Variants in STMND1 observed in about 807,000 individuals in gnomAD.
STMND1 encodes the protein stathmin domain containing 1.
A neutral mutation model predicts 23.0 loss-of-function variants in STMND1; 17 were observed. The observed-to-expected ratio is 0.74, with a 90% CI of 0.51 to 1.11. STMND1 has a LOEUF of 1.11. Among genes scored for constraint, STMND1 ranks in the 50% least tolerant of loss-of-function variants. STMND1 has a pLI of 0.00. For missense variants in STMND1, 305 were observed against 329.1 expected (o/e 0.93, Z 0.57); for synonymous variants, 114 against 119.9 (o/e 0.95, Z 0.32).
At chr6:17,109,940 T>A (rs760311000) in intron 1 of STMND1, among the ~76,000 whole-genome samples, 1 of 152,206 alleles carries the variant, frequency 6.6e-6, no homozygotes, top group Non-Finnish European at 1.5e-5. Context: ...AGAATCAATC[T>A]CCTTTGCTTG....
At chr6:17,117,667 CTTTTTTTTTT>C (rs34107338) in intron 2 of STMND1, among the ~76,000 whole-genome samples, 2 of 49,566 alleles carry the variant, frequency 4.0e-5, no homozygotes, top group Admixed American at 3.5e-4. Context: ...TTGGGTTACG[CTTTTTTTTTT>C]TTTTTTTTTT....
At chr6:17,121,106 G>C (rs1761227957) in intron 3 of STMND1, among the ~76,000 whole-genome samples, 1 of 152,120 alleles carries the variant, frequency 6.6e-6, no homozygotes, top group African/African-American at 2.4e-5. Context: ...CATTTTCCCT[G>C]CTTGCACTCA....
Position 17,102,201 on chromosome 6 carries a change from G to C in STMND1, c.-57G>C, listed in dbSNP as rs1760946673. The C allele has an allele frequency of 6.8e-7, 1 of 1,475,046 alleles. No individual in the cohort carries two copies. Among genetic ancestry groups the C allele is most frequent in the African/African-American group, 1.5e-5 (1 of 68,546 alleles). The allele number at this position is 1,475,046 out of a possible 1,614,324, so 91.4% of individuals were successfully genotyped here. On this transcript the variant is annotated 5_prime_UTR_variant, in exon 1 of 5. Transcript: ENST00000536551. ...CACCGGCGCCGGAGCGCGGCAGGGA[G>C]CGCTCGCGGGGGCGCACAGCAGCCA...
chr6:17,126,957 T>C (rs571208826), intron 3 of STMND1, among the ~76,000 whole-genome samples: 65 of 152,364 alleles, frequency 4.3e-4, no homozygotes, highest in African/African-American at 1.2e-3. Flanking sequence ...CACTATGTGC[T>C]GGGCATTCCT....
At chr6:17,127,049 G>T (rs924746463) in intron 3 of STMND1, among the ~76,000 whole-genome samples, 11 of 152,250 alleles carry the variant, frequency 7.2e-5, no homozygotes, top group Non-Finnish European at 1.5e-4. Flanking sequence ...CTGTGCTTTC[G>T]CCCCTTTCCG....
rs1313099811 is a variant in STMND1, at chr6:17,102,088, C to T, written c.-170C>T. On this transcript the variant is annotated 5_prime_UTR_variant, in exon 1 of 5. Transcript: ENST00000536551. Reference sequence around the variant, plus strand: ...GCCCAGAAACTCAGTGCGTCCTGCCCGGGGTTTAAGCGCGGGAAGTGGGAG... The same window carrying T: ...GCCCAGAAACTCAGTGCGTCCTGCCTGGGGTTTAAGCGCGGGAAGTGGGAG... 1.3e-5 allele frequency among the ~76,000 whole-genome samples: 2 copies of T among 152,210 alleles called. No homozygotes were observed. Among genetic ancestry groups the T allele is most frequent in the African/African-American group, 2.4e-5 (1 of 41,456 alleles).
chr6:17,120,906 C>A, intron 3 of STMND1, 148 bp downstream of exon 3: 1 of 677,238 alleles, frequency 1.5e-6, no homozygotes, highest in Non-Finnish European at 2.4e-6. Flanking sequence ...AAATTCCCCC[C>A]ACATCTCTGC....
chr6:17,116,588 C>T (rs372792375), intron 2 of STMND1, among the ~76,000 whole-genome samples: 127 of 152,100 alleles, frequency 8.3e-4, no homozygotes, highest in African/African-American at 2.8e-3. Flanking sequence ...TACAGGCATG[C>T]GCCACCATGT....
chr6:17,105,035 C>T (rs1389951529), intron 1 of STMND1, among the ~76,000 whole-genome samples: 4 of 151,984 alleles, frequency 2.6e-5, no homozygotes, highest in South Asian at 2.1e-4. Context: ...CTTAAACATA[C>T]AGTACAACAA....
At chr6:17,105,368 G>A (rs1004893350) in intron 1 of STMND1, among the ~76,000 whole-genome samples, 49 of 152,302 alleles carry the variant, frequency 3.2e-4, no homozygotes, top group African/African-American at 9.4e-4. Flanking sequence ...AATCCTGGCC[G>A]GGTGTGGTGG....
chr6:17,118,269 A>G (rs1404730173), intron 2 of STMND1, among the ~76,000 whole-genome samples: 2 of 152,146 alleles, frequency 1.3e-5, no homozygotes, highest in Non-Finnish European at 2.9e-5. Context: ...GAAAATGCTA[A>G]CATAAATGTT....
intron 2 of STMND1, among the ~76,000 whole-genome samples, chr6:17,116,561 C>T (rs113756562): frequency 0.031 from 4,652 of 151,988 alleles, 245 homozygotes; most frequent in African/African-American, 0.11. Context: ...TGCCTCAGCC[C>T]TCTGAGTAGC....
At chr6:17,119,700 CAA>C (rs35768370) in intron 2 of STMND1, among the ~76,000 whole-genome samples, 5 of 128,680 alleles carry the variant, frequency 3.9e-5, no homozygotes, top group Non-Finnish European at 3.3e-5. Context: ...AACCTCATCT[CAA>C]AAAAAAAAAA....
At position 17,102,342 on chromosome 6, in the gene STMND1, A is replaced by C; in HGVS notation, c.81+4A>C. On this transcript the variant is annotated splice_donor_region_variant and intron_variant, in intron 1 of 4. Transcript: ENST00000536551. The stretch of plus-strand genomic sequence containing the variant: ...GGGCTGGAAAGAGGAATTCAAGGTA[A>C]TAAACAAACAAACAAACAAACAAAC... 2 of 1,532,816 alleles carry C rather than the reference A, an allele frequency of 1.3e-6. No homozygotes were observed. Among genetic ancestry groups the C allele is most frequent in the South Asian group, 2.4e-5 (2 of 84,010 alleles). The allele number at this position is 1,532,816 out of a possible 1,614,324, so 95.0% of individuals were successfully genotyped here.
intron 1 of STMND1, among the ~76,000 whole-genome samples, chr6:17,111,663 A>T (rs1038298754): frequency 2.0e-5 from 3 of 152,198 alleles, no homozygotes; most frequent in Admixed American, 6.5e-5. Context: ...ATAATTTAGT[A>T]TGTAATTCTT....
At chr6:17,116,752 A>G (rs970412011) in intron 2 of STMND1, among the ~76,000 whole-genome samples, 61 of 152,142 alleles carry the variant, frequency 4.0e-4, no homozygotes, top group African/African-American at 1.4e-3. Flanking sequence ...TATATTTCTT[A>G]AGACTATCAA....
At chr6:17,118,513 A>T (rs990757319) in intron 2 of STMND1, among the ~76,000 whole-genome samples, 13 of 152,252 alleles carry the variant, frequency 8.5e-5, no homozygotes, top group African/African-American at 3.1e-4. Context: ...CCAAGAAAAC[A>T]TGAAAATTAG....
intron 1 of STMND1, among the ~76,000 whole-genome samples, chr6:17,109,007 T>C (rs576466367): frequency 1.8e-4 from 28 of 152,298 alleles, no homozygotes; most frequent in South Asian, 1.2e-3. Flanking sequence ...AACACACACA[T>C]ATATATAACA....
rs187435078 is a variant in STMND1, at chr6:17,122,728, C to T, written c.411+1970C>T. 2.7e-3 allele frequency among the ~76,000 whole-genome samples: 271 copies of T among 101,526 alleles called. 1 individual carries two copies. Among genetic ancestry groups the T allele is most frequent in the African/African-American group, 0.01 (260 of 25,490 alleles). The allele number at this position is 101,526 out of a possible 152,430, so 66.6% of individuals were successfully genotyped here. The stretch of plus-strand genomic sequence containing the variant: ...CCAATAATAAGAGGATGTCGGGGGG[C>T]GGGGGGAGGATGGAAAGGAAGGTAA... On this transcript the variant is annotated intron_variant, in intron 3 of 4. Coordinates refer to ENST00000536551, the MANE Select transcript of STMND1 (RefSeq NM_001190766.2).
Sources: allele counts gnomAD v4.1 joint callset (sites outside exome capture counted in the v4.1 genomes callset), GRCh38; gene constraint gnomAD v4.1.1; transcripts MANE v1.5; gene names NCBI Gene and HGNC (gene_info 2026-07-23, HGNC 2026-07-21).